The following COL16A1 variants were observed in gnomAD, a reference collection of about 807,000 sequenced individuals.
COL16A1 encodes collagen alpha-1(XVI) chain.
COL16A1 carries 189 observed loss-of-function variants against 266.3 expected under a neutral mutation model. The observed-to-expected ratio is 0.71, with a 90% CI of 0.63 to 0.80. The LOEUF (loss-of-function observed/expected upper bound fraction) is 0.80. Among genes scored for constraint, COL16A1 ranks in the 30% least tolerant of loss-of-function variants. The pLI, the probability that COL16A1 is intolerant of heterozygous loss-of-function variation, is 0.00. For missense variants in COL16A1, 1,928 were observed against 2,122.4 expected (o/e 0.91, Z 1.80); for synonymous variants, 740 against 782.3 (o/e 0.95, Z 0.90).
rs542210427 is a variant in COL16A1 at position 31,673,211 on chromosome 1, C to T, written c.2860-371G>A. The T allele has an allele frequency of 6.2e-5, 21 of 340,608 alleles. 1 individual carries two copies. In the East Asian group the frequency reaches 9.3e-4, roughly 15 times the overall value. The allele number at this position is 340,608 out of a possible 1,614,324, so 21.1% of individuals were successfully genotyped here. ...GGAGTGAGGCTGGAAAGGCTGGCTC[C>T]GAACGCCAGCTTCTCTGCCCAAGGG... On this transcript the variant is annotated intron_variant, in intron 44 of 70. Transcript: ENST00000373672.
rs1474337972 is a variant in COL16A1, at chr1:31,680,077, G to A, written c.2635C>T (p.Pro879Ser). ...GAGAAGATGAGGTCTCCTTGAGAGG[G>A]GCAGGAGCACTCCCCTGGCTCACCC... ...EKGEPGECSC[P>S]SQGDLIFSGM... Residue 879 changes from proline to serine, a missense_variant, in exon 40 of 71, where the codon CCC (proline) becomes TCC (serine). Coordinates refer to ENST00000373672, the MANE Select transcript of COL16A1 (RefSeq NM_001856.4). 6.2e-7 allele frequency: 1 copy of A among 1,613,898 alleles called. No individual in the cohort carries two copies. The highest frequency in any genetic ancestry group is 8.5e-7 in the Non-Finnish European group (1 of 1,179,898).
chr1:31,695,631 T>C (rs1644462666), intron 10 of COL16A1, 130 bp downstream of exon 10: 11 of 888,378 alleles, frequency 1.2e-5, no homozygotes, highest in Non-Finnish European at 1.8e-5. Context: ...GGGCCCAGCA[T>C]CAGGCCCTCA....
Position 31,668,384 on chromosome 1 carries a change from G to A in COL16A1, c.3250-166C>T, listed in dbSNP as rs977005905. On this transcript the variant is annotated intron_variant, in intron 50 of 70. Coordinates refer to ENST00000373672, the MANE Select transcript of COL16A1 (RefSeq NM_001856.4). The surrounding 1 kb of genome is among the most constrained non-coding windows in gnomAD (Gnocchi z 5.8). The stretch of plus-strand genomic sequence containing the variant: ...ATCTCCCCAAGCCCCAGGTCCCCTC[G>A]GTCGTGACCACCACCACAGACCTGG... 6.6e-5 allele frequency among the ~76,000 whole-genome samples: 10 copies of A among 152,146 alleles called. No individual in the cohort carries two copies. The highest frequency in any genetic ancestry group is 1.9e-4 in the African/African-American group (8 of 41,434).
At chr1:31,658,347 G>T in intron 64 of COL16A1, 141 bp downstream of exon 64, 1 of 746,338 alleles carries the variant, frequency 1.3e-6, no homozygotes. Flanking sequence ...TGATCCTCAG[G>T]CCCGAACGCC....
At chr1:31,672,387 T>C in intron 47 of COL16A1, 29 bp downstream of exon 47, 1 of 1,612,996 alleles carries the variant, frequency 6.2e-7, no homozygotes, top group Non-Finnish European at 8.5e-7. Flanking sequence ...CCAGCTCCCT[T>C]GAGGATGAAT....
In COL16A1 at chr1:31,696,015, A is replaced by G. The variant is rs371514135; in HGVS notation, c.918+73T>C. ...GAGGAGAGTGGGAGTGGAGCACCTT[A>G]TCCCTGGGGTTTACAGGGGCACAGA... On this transcript the variant is annotated intron_variant, in intron 9 of 70. Coordinates refer to ENST00000373672, the MANE Select transcript of COL16A1 (RefSeq NM_001856.4). 19 of 1,347,214 alleles carry G rather than the reference A, an allele frequency of 1.4e-5. No homozygotes were observed. The Admixed American group carries it at 2.9e-4, about 21-fold the overall frequency. 83.5% of individuals were successfully genotyped at this position (1,347,214 alleles called of 1,614,324 possible). A position where few individuals can be genotyped will look rare whatever the true frequency, so the allele number is the denominator to read the frequency against.
chr1:31,658,355 G>C (rs1417476319), intron 64 of COL16A1, 133 bp downstream of exon 64: 1 of 789,792 alleles, frequency 1.3e-6, no homozygotes, highest in Non-Finnish European at 2.1e-6. Flanking sequence ...AGGCCCGAAC[G>C]CCACGCTGCC....
At position 31,668,518 on chromosome 1, in the gene COL16A1, G is replaced by A. The variant is rs535064179; in HGVS notation, c.3249+284C>T. The stretch of plus-strand genomic sequence containing the variant: ...AAGAGGGGGTGGGCTGGGATGCTGA[G>A]TGACAACAGCCGAGGGAGGGAGGGG... On this transcript the variant is annotated intron_variant, in intron 50 of 70. Coordinates refer to ENST00000373672, the MANE Select transcript of COL16A1 (RefSeq NM_001856.4). The surrounding 1 kb of genome is among the most constrained non-coding windows in gnomAD (Gnocchi z 5.8). Among the ~76,000 whole-genome samples, 2 of 152,306 alleles carry A rather than the reference G, an allele frequency of 1.3e-5. No individual in the cohort carries two copies. Among genetic ancestry groups the A allele is most frequent in the East Asian group, 3.9e-4 (2 of 5,180 alleles).
At position 31,683,711 on chromosome 1, in the gene COL16A1, G is replaced by T. The variant is rs1484082745; in HGVS notation, c.2375C>A (p.Pro792His). The change falls in exon 34 of 71, where the codon CCC (proline) becomes CAC (histidine). Residue 792 changes from proline to histidine, a missense_variant. Physicochemically the swap from Pro to His is moderately conservative, Grantham distance 77. Around this residue, in one of 2 missense-constraint regions of COL16A1, gnomAD observed 1,552 missense variants for 1,637.2 expected, o/e 0.95. Transcript: ENST00000373672. Reference protein sequence around the residue: ...PGPPGRGVQGPQGEPGAPGLP... With the variant: ...PGPPGRGVQGHQGEPGAPGLP... Reference sequence around the variant, plus strand: ...AAGGCAGGGCTAGAGACTCACCTGGGGTCCCTGGACTCCCCTTCCTGGAGG... The same window carrying T: ...AAGGCAGGGCTAGAGACTCACCTGGTGTCCCTGGACTCCCCTTCCTGGAGG... 3 of 1,614,006 alleles carry T rather than the reference G, an allele frequency of 1.9e-6. No individual in the cohort carries two copies. Among genetic ancestry groups the T allele is most frequent in the Admixed American group, 1.7e-5 (1 of 59,998 alleles).
Position 31,693,143 on chromosome 1 carries a change from A to G in COL16A1, c.1020T>C (p.Gly340=). 6.2e-7 allele frequency: 1 copy of G among 1,609,910 alleles called. No individual in the cohort carries two copies. Among genetic ancestry groups the G allele is most frequent in the Non-Finnish European group, 8.5e-7 (1 of 1,176,468 alleles). The change falls in exon 13 of 71, where the codon GGT becomes GGC. Residue 340 remains glycine (G), a synonymous_variant. Coordinates refer to ENST00000373672, the MANE Select transcript of COL16A1 (RefSeq NM_001856.4). The part of the protein sequence containing the change: ...LAPSGPKGGK[G]ERGLPGPPGS... ...CTGGTGGACCAGGCAGGCCCCGCTC[A>G]CCTTTCCCTCCCTGAGAGTGAAACC...
chr1:31,665,277 AG>A, intron 55 of COL16A1, 43 bp from the exon 56 acceptor site: 1 of 1,576,694 alleles, frequency 6.3e-7, no homozygotes. Context: ...GTGGGGCTGG[AG>A]GGGGAGCTCC....
intron 26 of COL16A1, among the ~76,000 whole-genome samples, chr1:31,687,040 G>A (rs749592743): frequency 5.3e-5 from 8 of 152,196 alleles, no homozygotes; most frequent in Non-Finnish European, 1.5e-5. Context: ...AAGTCACAGA[G>A]GGACTCTAAG....
chr1:31,658,033 C>A (rs1641316821), intron 64 of COL16A1, among the ~76,000 whole-genome samples: 1 of 152,230 alleles, frequency 6.6e-6, no homozygotes, highest in South Asian at 2.1e-4. Context: ...AGCACTTAGT[C>A]CACCATTCGG....
chr1:31,662,885 T>C, intron 56 of COL16A1: 1 of 589,606 alleles, frequency 1.7e-6, no homozygotes, highest in Non-Finnish European at 3.0e-6. Context: ...TGCTGCCCCA[T>C]GAGGAAGGGA....
intron 37 of COL16A1, among the ~76,000 whole-genome samples, chr1:31,682,550 CTG>C (rs778816926): frequency 2.0e-5 from 3 of 152,174 alleles, no homozygotes; most frequent in Non-Finnish European, 2.9e-5. Flanking sequence ...TCCCTAATGA[CTG>C]GGGATGGGCT....
intron 48 of COL16A1, 121 bp downstream of exon 48, chr1:31,671,494 A>C: frequency 8.2e-7 from 1 of 1,213,046 alleles, no homozygotes; most frequent in Non-Finnish European, 1.2e-6. Context: ...TGGGGAGGGC[A>C]GTGGAAGTTC....
rs766521037 is a variant in COL16A1, at chr1:31,683,956, G to A, written c.2331C>T (p.Gly777=). ...PGVQGPPGLK[G]VQGEPGPPGR... The stretch of plus-strand genomic sequence containing the variant: ...CCCCAAGACTCACACATACCTGCAC[G>A]CCCTTCAGTCCTGGGGGCCCTTGAA... The change falls in exon 33 of 71, where the codon GGC becomes GGT. Residue 777 remains glycine, a synonymous_variant. Transcript: ENST00000373672. The A allele has an allele frequency of 9.5e-5, 154 of 1,614,160 alleles. No homozygotes were observed. Among genetic ancestry groups the A allele is most frequent in the Non-Finnish European group, 1.2e-4 (138 of 1,180,016 alleles).
At chr1:31,684,665 G>T (rs763704916) in intron 30 of COL16A1, 35 bp from the exon 31 acceptor site, 3 of 1,609,856 alleles carry the variant, frequency 1.9e-6, no homozygotes, top group African/African-American at 2.7e-5. Context: ...AGCAAGGATG[G>T]CCCAGCCGGG....
At chr1:31,660,719 G>T (rs1170340442) in intron 61 of COL16A1, 81 bp from the exon 62 acceptor site, 2 of 1,588,040 alleles carry the variant, frequency 1.3e-6, no homozygotes, top group Non-Finnish European at 1.7e-6. Context: ...GAGGGGGCTG[G>T]GCAGAATACA....
Sources: allele counts gnomAD v4.1 joint callset (sites outside exome capture counted in the v4.1 genomes callset), GRCh38; gene constraint gnomAD v4.1.1; regional missense constraint gnomAD v4.1.1; non-coding constraint Gnocchi (gnomAD v3.1); transcripts MANE v1.5; gene names NCBI Gene and HGNC (gene_info 2026-07-23, HGNC 2026-07-21).